Variants in FAM234B observed in about 807,000 individuals in gnomAD.
The protein encoded by FAM234B is family with sequence similarity 234 member B.
A neutral mutation model predicts 69.3 loss-of-function variants in FAM234B; 33 were observed. The ratio of observed to expected loss-of-function variants is 0.48; its 90% CI spans 0.36 to 0.64. FAM234B has a LOEUF of 0.64. Among genes scored for constraint, FAM234B ranks in the 30% least tolerant of loss-of-function variants. The pLI, the probability that FAM234B is intolerant of heterozygous loss-of-function variation, is 0.00. For missense variants in FAM234B, 697 were observed against 769.7 expected, an observed-to-expected ratio of 0.91 and a Z score of 1.12; for synonymous variants, 306 against 306.9, an observed-to-expected ratio of 1.00 and a Z score of 0.03.
In FAM234B at chr12:13,044,562, G is replaced by A. The variant is rs1022323613; in HGVS notation, c.37+122G>A. 1.7e-5 allele frequency: 18 copies of A among 1,081,934 alleles called. No homozygotes were observed. In the South Asian group the frequency reaches 2.5e-4, roughly 15 times the overall value. 67.0% of individuals were successfully genotyped at this position (1,081,934 alleles called of 1,614,324 possible). On this transcript the variant is annotated intron_variant, in intron 1 of 12. Coordinates refer to ENST00000197268, the MANE Select transcript of FAM234B (RefSeq NM_020853.2). This position sits in a 1 kb window ranked among gnomAD's most constrained non-coding sequence, Gnocchi z 5.6. ...AACCCAGACTCAGCTGCAGGCGCCC[G>A]GTGCCGAGGAGGGTGCAGTCCCTTG... is the stretch of plus-strand genomic sequence containing the variant.
In FAM234B at chr12:13,062,936, TGTTCGAGACCTTGTG is replaced by T. The variant is rs1159037552; in HGVS notation, c.818_832del (p.Arg273_Val277del). ...TACTGCCAGACTTGGATGAAGACGGTGTTCGAGACCTTGTGGTTCTGGCCATTGGGGAATTGCAGG... is the reference window on the plus strand; with the variant it reads ...TACTGCCAGACTTGGATGAAGACGGTGTTCTGGCCATTGGGGAATTGCAGG... On this transcript the variant is annotated inframe_deletion, in exon 5 of 13. Coordinates refer to ENST00000197268, the MANE Select transcript of FAM234B (RefSeq NM_020853.2). The T allele has an allele frequency of 6.2e-7, 1 of 1,613,964 alleles. No individual in the cohort carries two copies. Among genetic ancestry groups the T allele is most frequent in the African/African-American group, 1.3e-5 (1 of 74,928 alleles).
intron 1 of FAM234B, among the ~76,000 whole-genome samples, chr12:13,055,172 G>T (rs1162546560): frequency 6.6e-6 from 1 of 152,178 alleles, no homozygotes; most frequent in African/African-American, 2.4e-5. Flanking sequence ...AAGATCTGAG[G>T]CAATATGCAC....
intron 7 of FAM234B, 22 bp from the exon 8 acceptor site, chr12:13,068,282 G>A (rs745770109): frequency 6.8e-6 from 11 of 1,613,752 alleles, no homozygotes; most frequent in South Asian, 4.4e-5. Context: ...GAGACTAACC[G>A]TTGGGGTCTT....
chr12:13,058,279 T>C (rs1301133915), intron 2 of FAM234B, among the ~76,000 whole-genome samples, 172 bp from the exon 3 acceptor site: 4 of 152,174 alleles, frequency 2.6e-5, no homozygotes, highest in Non-Finnish European at 4.4e-5. Context: ...TTGTTTTATG[T>C]ACAGTGTCCA....
intron 3 of FAM234B, among the ~76,000 whole-genome samples, chr12:13,059,677 A>G (rs966886246): frequency 6.6e-6 from 1 of 152,214 alleles, no homozygotes; most frequent in African/African-American, 2.4e-5. Flanking sequence ...TCTAAACCAC[A>G]TCTCTTACAT....
chr12:13,073,577 T>A (rs1865130013), intron 10 of FAM234B, among the ~76,000 whole-genome samples: 1 of 152,216 alleles, frequency 6.6e-6, no homozygotes, highest in Non-Finnish European at 1.5e-5. Context: ...CCATGTTTCA[T>A]CTCCTGCTAC....
rs1865156417 is a variant in FAM234B, at chr12:13,076,071, C to T, written c.1570C>T (p.Leu524Phe). ...TEPPSLHHLY[L>F]LHPAFPSILL... ...GCCGCCCAGCCTTCACCACCTTTAC[C>T]TCCTGCATCCTGCGTTCCCCTCCAT... The change falls in exon 11 of 13, where the codon CTC becomes TTC. Residue 524 changes from leucine (L) to phenylalanine (F), a missense_variant. This residue lies in a region of FAM234B where 313 missense variants were observed against 305.5 expected (regional missense o/e 1.02). Transcript: ENST00000197268. 1.9e-6 allele frequency: 3 copies of T among 1,614,080 alleles called. No individual in the cohort carries two copies. Among genetic ancestry groups the T allele is most frequent in the South Asian group, 2.2e-5 (2 of 91,086 alleles).
At chr12:13,064,218 T>A (rs1865013415) in intron 5 of FAM234B, among the ~76,000 whole-genome samples, 1 of 152,224 alleles carries the variant, frequency 6.6e-6, no homozygotes, top group Non-Finnish European at 1.5e-5. Context: ...TTCGTTTTCT[T>A]CAGCTAGCCA....
chr12:13,059,073 T>C (rs1380220459), intron 3 of FAM234B, among the ~76,000 whole-genome samples: 2 of 152,188 alleles, frequency 1.3e-5, no homozygotes, highest in Non-Finnish European at 2.9e-5. Flanking sequence ...GCTGTATGGA[T>C]GGTATCAACA....
chr12:13,079,113 G>A (rs971393706), intron 11 of FAM234B, among the ~76,000 whole-genome samples: 1 of 152,136 alleles, frequency 6.6e-6, no homozygotes. Flanking sequence ...CAAAGCTGGA[G>A]GCATCACGCT....
intron 1 of FAM234B, among the ~76,000 whole-genome samples, chr12:13,046,973 T>C (rs1864819993): frequency 6.6e-6 from 1 of 152,170 alleles, no homozygotes; most frequent in Admixed American, 6.5e-5. Context: ...TTATCTGAAA[T>C]AGTAAAGGAG....
At chr12:13,076,689 C>A (rs1865166470) in intron 11 of FAM234B, among the ~76,000 whole-genome samples, 1 of 152,188 alleles carries the variant, frequency 6.6e-6, no homozygotes, top group East Asian at 1.9e-4. Context: ...CACTCATAAC[C>A]ACTATTAGCA....
chr12:13,061,786 G>T, intron 4 of FAM234B, 23 bp downstream of exon 4: 2 of 1,603,260 alleles, frequency 1.2e-6, no homozygotes, highest in Non-Finnish European at 1.7e-6. Flanking sequence ...TACCACAAAA[G>T]AACTTTGCTC....
Position 13,058,552 on chromosome 12 carries a change from A to G in FAM234B, c.532+3A>G. 1 of 1,603,582 alleles carries G rather than the reference A, an allele frequency of 6.2e-7. No individual in the cohort carries two copies. The highest frequency in any genetic ancestry group is 1.1e-5 in the South Asian group (1 of 90,658). ...GTCAAGGAACGGGAGTGCAGTAGGTAAGAGACGTGTTTTTTTCAAGGCTGC... is the reference window on the plus strand; with the variant it reads ...GTCAAGGAACGGGAGTGCAGTAGGTGAGAGACGTGTTTTTTTCAAGGCTGC... On this transcript the variant is annotated splice_donor_region_variant and intron_variant, in intron 3 of 12. Transcript: ENST00000197268.
At chr12:13,066,813 C>G in intron 6 of FAM234B, 26 bp downstream of exon 6, 2 of 1,603,966 alleles carry the variant, frequency 1.2e-6, no homozygotes, top group Non-Finnish European at 1.7e-6. Flanking sequence ...AGTTTTTGCT[C>G]CTGTTCCCCA....
chr12:13,074,173 A>T (rs1273956354), intron 10 of FAM234B, among the ~76,000 whole-genome samples: 1 of 152,188 alleles, frequency 6.6e-6, no homozygotes, highest in East Asian at 1.9e-4. Context: ...GGTGCAAAAA[A>T]AATTTTGAAG....
chr12:13,074,185 C>T (rs1330352008), intron 10 of FAM234B, among the ~76,000 whole-genome samples: 1 of 152,242 alleles, frequency 6.6e-6, no homozygotes, highest in East Asian at 1.9e-4. Flanking sequence ...ATTTTGAAGT[C>T]CTTGCATAGT....
chr12:13,050,025 A>G (rs1864858751), intron 1 of FAM234B, among the ~76,000 whole-genome samples: 1 of 151,852 alleles, frequency 6.6e-6, no homozygotes, highest in South Asian at 2.1e-4. Flanking sequence ...CCCCACCAGC[A>G]CTCTTCCTGT....
At chr12:13,076,409 A>T (rs1345382997) in intron 11 of FAM234B, among the ~76,000 whole-genome samples, 1 of 152,130 alleles carries the variant, frequency 6.6e-6, no homozygotes, top group African/African-American at 2.4e-5. Flanking sequence ...GTGATGATTC[A>T]TCCAGCCACT....
Sources: allele counts gnomAD v4.1 joint callset (sites outside exome capture counted in the v4.1 genomes callset), GRCh38; gene constraint gnomAD v4.1.1; regional missense constraint gnomAD v4.1.1; non-coding constraint Gnocchi (gnomAD v3.1); transcripts MANE v1.5; gene names NCBI Gene and HGNC (gene_info 2026-07-23, HGNC 2026-07-21).